PC: variants seen among roughly 807,000 people sequenced by gnomAD.
The protein encoded by PC is pyruvate carboxylase, mitochondrial.
In PC, 46 loss-of-function variants were observed where a neutral mutation model predicts 107.8. The observed-to-expected ratio is 0.43, with a 90% confidence interval of 0.34 to 0.55. PC has a LOEUF of 0.55. PC is among the 20% of genes least tolerant of loss of function. PC has a pLI of 0.04. For synonymous variants in PC, 662 were observed against 684.7 expected (o/e 0.97, Z 0.52); for missense variants, 1,241 against 1,643.1 (o/e 0.76, Z 4.23).
At chr11:66,864,000 G>T in intron 11 of PC, 44 bp from the exon 12 acceptor site, 1 of 1,604,410 alleles carries the variant, frequency 6.2e-7, no homozygotes, top group Non-Finnish European at 8.5e-7. Flanking sequence ...AGAAACTGCG[G>T]TCAAAAGTGC....
At chr11:66,953,165 G>T (rs1400794322) in intron 2 of PC, among the ~76,000 whole-genome samples, 1 of 151,046 alleles carries the variant, frequency 6.6e-6, no homozygotes, top group East Asian at 1.9e-4. Context: ...ACATGAACAA[G>T]AAGTTCTAGA....
rs143583956 is a variant in PC at position 66,858,216 on chromosome 11, C to A, written c.1369-4833G>T. 1.2e-6 allele frequency: 2 copies of A among 1,612,424 alleles called. No homozygotes were observed. The highest frequency in any genetic ancestry group is 1.7e-6 in the Non-Finnish European group (2 of 1,179,930). Reference sequence around the variant, plus strand: ...CCTGGACCTGTCCTACAACAACCTCCGGCAGGTGCCCTGGGCCGGCATCGG... The same window carrying A: ...CCTGGACCTGTCCTACAACAACCTCAGGCAGGTGCCCTGGGCCGGCATCGG... On this transcript the variant is annotated intron_variant, in intron 12 of 22. Transcript: ENST00000393960. The surrounding 1 kb of genome is among the most constrained non-coding windows in gnomAD (Gnocchi z 5.9).
At chr11:66,865,284 C>A (rs972639034) in intron 11 of PC, among the ~76,000 whole-genome samples, 1 of 152,362 alleles carries the variant, frequency 6.6e-6, no homozygotes, top group Admixed American at 6.5e-5. Context: ...CATGTTTGCT[C>A]CCCTCACCGC....
intron 3 of PC, among the ~76,000 whole-genome samples, chr11:66,895,781 C>G (rs950909561): frequency 6.6e-6 from 1 of 151,972 alleles, no homozygotes; most frequent in Non-Finnish European, 1.5e-5. Flanking sequence ...AAAGACAGAA[C>G]AGTAAAAAAC....
chr11:66,951,906 A>T (rs552547937), intron 3 of PC, among the ~76,000 whole-genome samples: 2 of 152,180 alleles, frequency 1.3e-5, no homozygotes, highest in South Asian at 2.1e-4. Flanking sequence ...AAAAAGAAAA[A>T]AAAAAACTTA....
At position 66,852,396 on chromosome 11, in the gene PC, G is replaced by A. The variant is rs539771972; in HGVS notation, c.1825+43C>T. ...AAGCCTGTGGGACTGGCCACAGAGC[G>A]GGCGCCCATTCCTACCAGGCGCTGC... On this transcript the variant is annotated intron_variant, in intron 15 of 22. Transcript: ENST00000393960. This position sits in a 1 kb window ranked among gnomAD's most constrained non-coding sequence, Gnocchi z 4.7. The A allele has an allele frequency of 2.6e-5, 38 of 1,485,128 alleles. No individual in the cohort carries two copies. The African/African-American group carries it at 2.8e-4, about 11-fold the overall frequency. The allele number at this position is 1,485,128 out of a possible 1,614,324, so 92.0% of individuals were successfully genotyped here. A position where few individuals can be genotyped will look rare whatever the true frequency, so the allele number is the denominator to read the frequency against.
chr11:66,850,979 C>G (rs770702661), intron 17 of PC, 56 bp from the exon 18 acceptor site: 10 of 1,608,562 alleles, frequency 6.2e-6, no homozygotes, highest in Non-Finnish European at 7.6e-6. Context: ...GGATGTGTGC[C>G]TGTGGGTGGC....
chr11:66,856,887 G>A (rs996265983), intron 12 of PC: 2 of 148,270 alleles, frequency 1.3e-5, no homozygotes, highest in Non-Finnish European at 3.0e-5. Flanking sequence ...CGGCAGCGCC[G>A]GGGGACAGCG....
At chr11:66,882,923 CA>C (rs1424630107) in intron 3 of PC, among the ~76,000 whole-genome samples, 13 of 152,166 alleles carry the variant, frequency 8.5e-5, no homozygotes, top group African/African-American at 1.7e-4. Flanking sequence ...GATTTCTGGG[CA>C]GGGGGGGCAG....
chr11:66,882,980 G>A (rs993723158), intron 3 of PC, among the ~76,000 whole-genome samples: 3 of 152,214 alleles, frequency 2.0e-5, no homozygotes, highest in Admixed American at 6.5e-5. Flanking sequence ...ACAGAAGACA[G>A]GAGAGAGACA....
Position 66,889,399 on chromosome 11 carries a change from C to G in PC, c.1-17240G>C, listed in dbSNP as rs113500053. ...TATTATTATTATTATTTGAGAGCGT[C>G]TCACTCTGTCACCCAGGCTGGAGTG... On this transcript the variant is annotated intron_variant, in intron 3 of 22. Transcript: ENST00000393960. Among the ~76,000 whole-genome samples, 1,409 of 152,138 alleles carry G rather than the reference C, an allele frequency of 9.3e-3. 25 individuals carry two copies. Among genetic ancestry groups the G allele is most frequent in the African/African-American group, 0.031 (1,299 of 41,488 alleles).
At chr11:66,932,508 G>A (rs935244527) in intron 3 of PC, among the ~76,000 whole-genome samples, 2 of 152,166 alleles carry the variant, frequency 1.3e-5, no homozygotes, top group South Asian at 2.1e-4. Flanking sequence ...TTGGGCTTAC[G>A]CTGCTGGGCT....
intron 12 of PC, among the ~76,000 whole-genome samples, chr11:66,855,107 A>G (rs1945724283): frequency 6.6e-6 from 1 of 152,228 alleles, no homozygotes; most frequent in Non-Finnish European, 1.5e-5. Context: ...TTGTGTTCAC[A>G]GACACACGCT....
At chr11:66,889,424 G>A (rs549720948) in intron 3 of PC, among the ~76,000 whole-genome samples, 2 of 152,222 alleles carry the variant, frequency 1.3e-5, no homozygotes, top group South Asian at 4.1e-4. Flanking sequence ...AGGCTGGAGT[G>A]TAGTGGCATG....
intron 3 of PC, among the ~76,000 whole-genome samples, chr11:66,951,138 C>A (rs1008804016): frequency 2.0e-5 from 3 of 152,116 alleles, no homozygotes; most frequent in South Asian, 4.2e-4. Flanking sequence ...CAGAGGAAAA[C>A]CCCCACATAA....
At chr11:66,923,549 C>G (rs376464162) in intron 3 of PC, among the ~76,000 whole-genome samples, 3 of 152,020 alleles carry the variant, frequency 2.0e-5, no homozygotes, top group African/African-American at 7.2e-5. Flanking sequence ...TTTGCTCCGT[C>G]GCCCAGGCTG....
At chr11:66,903,112 C>A (rs1411093425) in intron 3 of PC, among the ~76,000 whole-genome samples, 1 of 152,134 alleles carries the variant, frequency 6.6e-6, no homozygotes, top group Non-Finnish European at 1.5e-5. Flanking sequence ...TGCTGAAAAC[C>A]CCCACTGGGA....
chr11:66,865,722 C>A (rs771211739), intron 11 of PC, among the ~76,000 whole-genome samples: 13 of 152,192 alleles, frequency 8.5e-5, no homozygotes, highest in Non-Finnish European at 1.5e-4. Context: ...CTCCCTCCCC[C>A]ATCCTTGATG....
chr11:66,943,188 T>C, intron 3 of PC, among the ~76,000 whole-genome samples: 1 of 150,184 alleles, frequency 6.7e-6, no homozygotes, highest in Non-Finnish European at 1.5e-5. Context: ...AGCATCCTAA[T>C]AAAAGAGGTC....
Sources: gnomAD v4.1 joint callset for allele counts (sites outside exome capture counted in the v4.1 genomes callset) on GRCh38, gnomAD v4.1.1 for gene constraint, Gnocchi (gnomAD v3.1) non-coding constraint, MANE v1.5 for transcripts, NCBI Gene and HGNC (gene_info 2026-07-23, HGNC 2026-07-21) for gene names.